CD96: variants seen among roughly 807,000 people sequenced by gnomAD.
The protein encoded by CD96 is CD96 molecule, also known as T-cell surface protein tactile.
Under a neutral mutation model 71.3 loss-of-function variants are expected in CD96, and 70 were observed. The ratio of observed to expected loss-of-function variants is 0.98; its 90% confidence interval spans 0.81 to 1.20. The LOEUF (loss-of-function observed/expected upper bound fraction) is 1.20. Among genes scored for constraint, CD96 ranks in the 50% most tolerant of loss-of-function variants. The pLI is 0.00. For synonymous variants in CD96, 248 were observed against 233.0 expected (o/e 1.06, Z -0.59); for missense variants, 742 against 677.5 (o/e 1.10, Z -1.06).
intron 10 of CD96, among the ~76,000 whole-genome samples, chr3:111,635,243 T>C (rs1438368572): frequency 6.6e-6 from 1 of 152,200 alleles, no homozygotes; most frequent in Non-Finnish European, 1.5e-5. Context: ...TTTTCAGACA[T>C]GTGGAATCCA....
In CD96 at chr3:111,556,431, A is replaced by T. The variant is rs866526700; in HGVS notation, c.418+11029A>T. On this transcript the variant is annotated intron_variant, in intron 2 of 13. Coordinates refer to ENST00000352690, the MANE Select transcript of CD96 (RefSeq NM_005816.5). Reference sequence around the variant, plus strand: ...CATGTGATCTCATTGTTCAATTCCCACCTATGAGTGAGAATATGCGGTGTT... The same window carrying T: ...CATGTGATCTCATTGTTCAATTCCCTCCTATGAGTGAGAATATGCGGTGTT... 1.9e-3 allele frequency among the ~76,000 whole-genome samples: 218 copies of T among 111,894 alleles called. 2 individuals are homozygous for T. The highest frequency in any genetic ancestry group is 7.4e-3 in the African/African-American group (207 of 27,848). 73.4% of individuals were successfully genotyped at this position (111,894 alleles called of 152,430 possible).
At chr3:111,663,663 A>T (rs1340136055) in intron 14 of CD96, among the ~76,000 whole-genome samples, 1 of 152,222 alleles carries the variant, frequency 6.6e-6, no homozygotes, top group Admixed American at 6.5e-5. Context: ...TCACAATGAG[A>T]TACCATCTCC....
intron 7 of CD96, among the ~76,000 whole-genome samples, chr3:111,603,826 G>A (rs1937553317): frequency 6.6e-6 from 1 of 152,188 alleles, no homozygotes; most frequent in African/African-American, 2.4e-5. Flanking sequence ...AGTGGAACAG[G>A]AGGACCACTG....
intron 5 of CD96, among the ~76,000 whole-genome samples, chr3:111,588,954 CT>C (rs772858162): frequency 0.014 from 1,960 of 136,172 alleles, 25 homozygotes; most frequent in African/African-American, 0.04. Context: ...CTTTTTTTTT[CT>C]TTTTTTTTTT....
At chr3:111,578,418 A>C (rs1936318061) in intron 3 of CD96, among the ~76,000 whole-genome samples, 1 of 152,254 alleles carries the variant, frequency 6.6e-6, no homozygotes, top group Non-Finnish European at 1.5e-5. Context: ...AAGAAAGGGA[A>C]TAAGGTTAGG....
intron 8 of CD96, among the ~76,000 whole-genome samples, chr3:111,620,853 C>CATAATAACAATAA (rs1938488047): frequency 6.6e-6 from 1 of 152,144 alleles, no homozygotes; most frequent in African/African-American, 2.4e-5. Flanking sequence ...CAACAAGGTC[C>CATAATAACAATAA]CTAAATAACA....
intron 8 of CD96, among the ~76,000 whole-genome samples, chr3:111,616,026 G>A (rs1217722302): frequency 1.3e-5 from 2 of 151,988 alleles, no homozygotes; most frequent in Non-Finnish European, 2.9e-5. Flanking sequence ...TTCTCGATGA[G>A]GTACTCCATG....
chr3:111,580,383 T>A (rs1211989887), intron 4 of CD96, among the ~76,000 whole-genome samples: 3 of 152,194 alleles, frequency 2.0e-5, no homozygotes, highest in African/African-American at 7.2e-5. Flanking sequence ...TTTTTTTCAT[T>A]TTTTGTGACA....
intron 8 of CD96, among the ~76,000 whole-genome samples, chr3:111,617,524 G>A (rs915298102): frequency 2.0e-5 from 3 of 152,130 alleles, no homozygotes; most frequent in African/African-American, 7.2e-5. Flanking sequence ...TACCCACTAT[G>A]GGTCTCCTCA....
At chr3:111,628,525 T>C (rs1576410388) in intron 10 of CD96, among the ~76,000 whole-genome samples, 3 of 152,176 alleles carry the variant, frequency 2.0e-5, no homozygotes, top group East Asian at 3.8e-4. Flanking sequence ...CAGGGGATTA[T>C]GCAATGAGAC....
At chr3:111,648,998 A>G (rs1428818264) in intron 13 of CD96, among the ~76,000 whole-genome samples, 2 of 152,230 alleles carry the variant, frequency 1.3e-5, no homozygotes, top group Non-Finnish European at 1.5e-5. Flanking sequence ...TGATTCAAAC[A>G]AAAGGGATTT....
chr3:111,567,184 G>T (rs1164741867), intron 2 of CD96, among the ~76,000 whole-genome samples: 1 of 152,132 alleles, frequency 6.6e-6, no homozygotes, highest in Non-Finnish European at 1.5e-5. Flanking sequence ...TTAAGGCTAG[G>T]TTATGAAGTT....
intron 2 of CD96, among the ~76,000 whole-genome samples, chr3:111,564,578 C>A (rs1481809979): frequency 6.6e-6 from 1 of 152,114 alleles, no homozygotes; most frequent in African/African-American, 2.4e-5. Flanking sequence ...ACAATTTCAT[C>A]ATTTTATTTC....
At chr3:111,592,190 C>A (rs1417276945) in intron 5 of CD96, among the ~76,000 whole-genome samples, 1 of 152,128 alleles carries the variant, frequency 6.6e-6, no homozygotes, top group Non-Finnish European at 1.5e-5. Flanking sequence ...AATATCAGGT[C>A]CAGTGCAGAG....
In CD96 at chr3:111,579,176, C is replaced by T; in HGVS notation, c.693C>T (p.Cys231=). Residue 231 remains cysteine (C), a synonymous_variant, in exon 4 of 14, where the codon TGC becomes TGT. Coordinates refer to ENST00000352690, the MANE Select transcript of CD96 (RefSeq NM_005816.5). ...QIFDDGRKFS[C]HIRVGPNKIL... ...TCGATGATGGGCGGAAGTTCTCTTGCCACATTAGAGTCGGTCCTAACAAAA... is the reference window on the plus strand; with the variant it reads ...TCGATGATGGGCGGAAGTTCTCTTGTCACATTAGAGTCGGTCCTAACAAAA... The T allele has an allele frequency of 6.2e-7, 1 of 1,611,128 alleles. No homozygotes were observed. Among genetic ancestry groups the T allele is most frequent in the South Asian group, 1.1e-5 (1 of 91,038 alleles).
At position 111,662,230 on chromosome 3, in the gene CD96, A is replaced by G. The variant is rs544966563; in HGVS notation, c.*53-3297A>G. On this transcript the variant is annotated intron_variant and NMD_transcript_variant, in intron 14 of 14. Transcript: ENST00000494798. ...ACCATGTACCAAGGCTGCACAGAGC[A>G]GTGGAGCCCTGGGCCTAGCCCAGGA... 7.2e-5 allele frequency among the ~76,000 whole-genome samples: 11 copies of G among 152,364 alleles called. 1 individual carries two copies. In the South Asian group the frequency reaches 2.1e-3, roughly 29 times the overall value.
intron 12 of CD96, among the ~76,000 whole-genome samples, chr3:111,647,180 T>C (rs533841160): frequency 6.8e-6 from 1 of 147,062 alleles, no homozygotes; most frequent in African/African-American, 2.5e-5. Flanking sequence ...CCACAGCACA[T>C]AATTTACCTA....
Position 111,579,220 on chromosome 3 carries a change from C to T in CD96, c.737C>T (p.Thr246Ile). 1.3e-6 allele frequency: 2 copies of T among 1,589,952 alleles called. No homozygotes were observed. The highest frequency in any genetic ancestry group is 1.7e-6 in the Non-Finnish European group (2 of 1,157,812). Residue 246 changes from threonine (T) to isoleucine (I), a missense_variant, in exon 4 of 14, where the codon ACA (threonine) becomes ATA (isoleucine). Coordinates refer to ENST00000352690, the MANE Select transcript of CD96 (RefSeq NM_005816.5). ...GPNKILRSST[T>I]VKVFAKPEIP... ...AACAAAATCTTGAGGAGCTCCACCA[C>T]AGTCAAGGTTTTTGGTAAGGGCTTT...
chr3:111,591,263 C>T (rs534075718), intron 5 of CD96, among the ~76,000 whole-genome samples: 2 of 151,256 alleles, frequency 1.3e-5, no homozygotes, highest in East Asian at 2.0e-4. Flanking sequence ...GTCCCAGCTA[C>T]TCAGGAGGCT....
Sources: gnomAD v4.1 joint callset for allele counts (sites outside exome capture counted in the v4.1 genomes callset) on GRCh38, gnomAD v4.1.1 for gene constraint, MANE v1.5 for transcripts, NCBI Gene and HGNC (gene_info 2026-07-23, HGNC 2026-07-21) for gene names.